Variants in ETV6 observed in about 807,000 individuals in gnomAD.
The protein encoded by ETV6 is transcription factor ETV6.
A neutral mutation model predicts 51.1 loss-of-function variants in ETV6; 16 were observed. The ratio of observed to expected loss-of-function variants is 0.31; its 90% CI spans 0.21 to 0.48. ETV6 has a LOEUF of 0.48. ETV6 is among the 20% of genes least tolerant of loss of function. The pLI is 0.99. For missense variants in ETV6, 458 were observed against 594.8 expected (o/e 0.77, Z 2.39); for synonymous variants, 240 against 224.1 (o/e 1.07, Z -0.64).
rs1947301745 is a variant in ETV6, at chr12:11,892,210, A to ATTTTTTTTTTTTTGTTTTTTTTTTTT, written c.*1177_*1178insGTTTTTTTTTTTTTTTTTTTTTTTTT. 7.0e-6 allele frequency: 1 copy of ATTTTTTTTTTTTTGTTTTTTTTTTTT among 142,254 alleles called. No individual in the cohort carries two copies. Among genetic ancestry groups the ATTTTTTTTTTTTTGTTTTTTTTTTTT allele is most frequent in the African/African-American group, 4.2e-5 (1 of 23,878 alleles). 8.8% of individuals were successfully genotyped at this position (142,254 alleles called of 1,614,324 possible). ...GTGGTCAGTTTCATGCCCTCACCTG[A>ATTTTTTTTTTTTTGTTTTTTTTTTTT]TTTTTTTTTTTTTTTTTTTTTTTCA... On this transcript the variant is annotated 3_prime_UTR_variant, in exon 8 of 8. Coordinates refer to ENST00000396373, the MANE Select transcript of ETV6 (RefSeq NM_001987.5).
chr12:11,704,402 AG>A (rs1305110815), intron 1 of ETV6, among the ~76,000 whole-genome samples: 2 of 152,174 alleles, frequency 1.3e-5, no homozygotes, highest in African/African-American at 4.8e-5. Context: ...GCTGGAATAC[AG>A]TGGCGTGATC....
chr12:11,813,499 C>A (rs1945944984), intron 2 of ETV6, among the ~76,000 whole-genome samples: 1 of 152,214 alleles, frequency 6.6e-6, no homozygotes, highest in South Asian at 2.1e-4. Flanking sequence ...GACGCATAGA[C>A]AACAGAGTAG....
intron 1 of ETV6, among the ~76,000 whole-genome samples, chr12:11,690,463 C>A (rs1864732970): frequency 6.6e-6 from 1 of 152,050 alleles, no homozygotes; most frequent in Non-Finnish European, 1.5e-5. Flanking sequence ...TGATGGCACA[C>A]ACCTGTAGTC....
At chr12:11,715,770 A>AC (rs1384653859) in intron 1 of ETV6, among the ~76,000 whole-genome samples, 1 of 152,224 alleles carries the variant, frequency 6.6e-6, no homozygotes, top group African/African-American at 2.4e-5. Flanking sequence ...TCACAATTTC[A>AC]CAATGTGACC....
intron 2 of ETV6, among the ~76,000 whole-genome samples, chr12:11,754,096 C>T (rs1429453980): frequency 1.3e-5 from 2 of 152,098 alleles, no homozygotes; most frequent in Non-Finnish European, 2.9e-5. Flanking sequence ...ATCCTGTGAC[C>T]GATATATTCA....
intron 1 of ETV6, among the ~76,000 whole-genome samples, chr12:11,666,557 T>C (rs1864199028): frequency 6.6e-6 from 1 of 152,220 alleles, no homozygotes; most frequent in Admixed American, 6.5e-5. Context: ...TGTGATCTGA[T>C]AAGTGGGAAA....
intron 1 of ETV6, among the ~76,000 whole-genome samples, chr12:11,653,675 A>C (rs926626836): frequency 5.9e-5 from 9 of 152,088 alleles, no homozygotes; most frequent in Non-Finnish European, 1.3e-4. Flanking sequence ...GTGTAACCTC[A>C]GGGTGACGTA....
intron 5 of ETV6, among the ~76,000 whole-genome samples, chr12:11,871,801 T>C (rs915236757): frequency 3.3e-5 from 5 of 151,930 alleles, no homozygotes; most frequent in Non-Finnish European, 5.9e-5. Context: ...TGCATGGGGG[T>C]TAATATTATT....
chr12:11,863,836 C>T (rs991040384), intron 4 of ETV6, among the ~76,000 whole-genome samples: 1 of 152,220 alleles, frequency 6.6e-6, no homozygotes, highest in African/African-American at 2.4e-5. Context: ...CTACTCCATA[C>T]ATGGGCACTG....
intron 2 of ETV6, among the ~76,000 whole-genome samples, chr12:11,769,207 C>T (rs1688046527): frequency 6.6e-6 from 1 of 152,172 alleles, no homozygotes; most frequent in Non-Finnish European, 1.5e-5. Context: ...TTCCTCTGTA[C>T]ACATAAGCTT....
chr12:11,671,133 C>T (rs1200486326), intron 1 of ETV6, among the ~76,000 whole-genome samples: 4 of 151,922 alleles, frequency 2.6e-5, no homozygotes, highest in African/African-American at 7.3e-5. Context: ...GTTGGCAGGG[C>T]GGGGAAGAGA....
At chr12:11,817,705 C>G (rs1946013085) in intron 2 of ETV6, among the ~76,000 whole-genome samples, 1 of 152,170 alleles carries the variant, frequency 6.6e-6, no homozygotes, top group African/African-American at 2.4e-5. Flanking sequence ...TGGCCAGCCC[C>G]CATGCCAGCT....
chr12:11,664,523 T>G (rs1047787954), intron 1 of ETV6, among the ~76,000 whole-genome samples: 1 of 152,104 alleles, frequency 6.6e-6, no homozygotes, highest in Non-Finnish European at 1.5e-5. Context: ...GGGTAGTAAA[T>G]GAATGGTTCT....
chr12:11,789,491 T>C (rs1317268830), intron 2 of ETV6, among the ~76,000 whole-genome samples: 1 of 152,186 alleles, frequency 6.6e-6, no homozygotes, highest in Non-Finnish European at 1.5e-5. Flanking sequence ...TGCCCAGCTA[T>C]GACCTTTGTT....
chr12:11,768,588 G>GTCAAAC (rs1945196937), intron 2 of ETV6, among the ~76,000 whole-genome samples: 1 of 152,106 alleles, frequency 6.6e-6, no homozygotes, highest in African/African-American at 2.4e-5. Flanking sequence ...TAGAACCGAA[G>GTCAAAC]TCAAACCCGT....
intron 7 of ETV6, among the ~76,000 whole-genome samples, chr12:11,890,014 C>G (rs1339649553): frequency 6.6e-6 from 1 of 152,052 alleles, no homozygotes; most frequent in Non-Finnish European, 1.5e-5. Context: ...CCAGTTTAAC[C>G]CATTGAACAG....
intron 2 of ETV6, among the ~76,000 whole-genome samples, chr12:11,803,465 T>C (rs978810550): frequency 1.3e-5 from 2 of 152,234 alleles, no homozygotes; most frequent in African/African-American, 4.8e-5. Context: ...CTAGAACATG[T>C]TAAAAATTAT....
At chr12:11,881,696 T>C (rs1042284838) in intron 5 of ETV6, among the ~76,000 whole-genome samples, 2 of 152,162 alleles carry the variant, frequency 1.3e-5, no homozygotes, top group African/African-American at 2.4e-5. Context: ...ACAGATGAAT[T>C]TGGGGAGGAC....
intron 1 of ETV6, among the ~76,000 whole-genome samples, chr12:11,734,221 A>G (rs184157145): frequency 3.9e-5 from 6 of 152,364 alleles, no homozygotes; most frequent in Admixed American, 2.0e-4. Flanking sequence ...ATAGTTGTAC[A>G]TGAACATCGT....
Sources: allele counts gnomAD v4.1 joint callset (sites outside exome capture counted in the v4.1 genomes callset), GRCh38; gene constraint gnomAD v4.1.1; transcripts MANE v1.5; gene names NCBI Gene and HGNC (gene_info 2026-07-23, HGNC 2026-07-21).